ATAD1: variants seen among roughly 807,000 people sequenced by gnomAD.
The protein encoded by ATAD1 is ATPase family AAA domain containing 1.
Under a neutral mutation model 42.7 loss-of-function variants are expected in ATAD1, and 18 were observed. The observed-to-expected ratio is 0.42, with a 90% CI of 0.29 to 0.63. The LOEUF (loss-of-function observed/expected upper bound fraction) is 0.63, where lower values mean the gene tolerates loss of function less well. ATAD1 is among the 20% of genes least tolerant of loss of function. The probability of loss-of-function intolerance (pLI) is 0.19; values close to 1 mark genes in which losing one functional copy is unlikely to be tolerated. For missense variants in ATAD1, 294 were observed against 440.4 expected (o/e 0.67, Z 2.98); for synonymous variants, 132 against 143.1 (o/e 0.92, Z 0.55).
At chr10:87,754,908 A>C in intron 9 of ATAD1, 101 bp from the exon 10 acceptor site, 1 of 1,428,372 alleles carries the variant, frequency 7.0e-7, no homozygotes, top group Non-Finnish European at 9.3e-7. Context: ...GGTAAAAAAA[A>C]AATTTTGTTT....
chr10:87,830,366 A>G (rs1187803738), intron 1 of ATAD1, among the ~76,000 whole-genome samples: 2 of 152,182 alleles, frequency 1.3e-5, no homozygotes, highest in Admixed American at 6.5e-5. Context: ...TACAAGTTCC[A>G]TATTTTCTTG....
chr10:87,799,190 T>G (rs1050445926), intron 2 of ATAD1, among the ~76,000 whole-genome samples: 28 of 152,234 alleles, frequency 1.8e-4, no homozygotes, highest in Non-Finnish European at 3.8e-4. Context: ...TATTTTTGTT[T>G]GCATTTATTA....
At chr10:87,797,322 AAG>A in intron 2 of ATAD1, among the ~76,000 whole-genome samples, 1 of 134,790 alleles carries the variant, frequency 7.4e-6, no homozygotes, top group South Asian at 2.5e-4. Context: ...CAAAAGAGGA[AAG>A]AAAAAAAAAC....
intron 6 of ATAD1, among the ~76,000 whole-genome samples, chr10:87,773,180 TAAAAC>T (rs1048998924): frequency 6.6e-6 from 1 of 152,212 alleles, no homozygotes; most frequent in Non-Finnish European, 1.5e-5. Context: ...AAAAACTCTT[TAAAAC>T]AAAACATAAT....
rs185585632 is a variant in ATAD1 at position 87,804,903 on chromosome 10, C to T, written c.162+9535G>A. Among the ~76,000 whole-genome samples, 67 of 152,164 alleles carry T rather than the reference C, an allele frequency of 4.4e-4. No homozygotes were observed. The East Asian group carries it at 0.012, about 28-fold the overall frequency. On this transcript the variant is annotated intron_variant, in intron 2 of 9. Transcript: ENST00000680024. The stretch of plus-strand genomic sequence containing the variant: ...TCCCTGTACAACACCATGTTGAAAC[C>T]ATCTCCTCTCTCATTACCAATTAAA...
intron 1 of ATAD1, chr10:87,833,068 C>T (rs563698534): frequency 1.3e-5 from 2 of 152,372 alleles, no homozygotes; most frequent in South Asian, 2.1e-4. Context: ...TCTCCTCCCT[C>T]AGACTCCTGA....
chr10:87,839,409 A>G (rs1300764619), intron 1 of ATAD1, among the ~76,000 whole-genome samples: 7 of 152,372 alleles, frequency 4.6e-5, no homozygotes, highest in East Asian at 1.9e-4. Context: ...CTGTTAAACT[A>G]TAAGAAACGA....
At chr10:87,772,960 A>G (rs184757931) in intron 6 of ATAD1, among the ~76,000 whole-genome samples, 1 of 152,180 alleles carries the variant, frequency 6.6e-6, no homozygotes, top group Admixed American at 6.5e-5. Flanking sequence ...CTTTTAAAAA[A>G]ATCTTTATTT....
chr10:87,839,232 C>A (rs1857985751), intron 1 of ATAD1, among the ~76,000 whole-genome samples: 1 of 152,118 alleles, frequency 6.6e-6, no homozygotes, highest in African/African-American at 2.4e-5. Context: ...ATTGTTTGGT[C>A]TTCAGTCACC....
chr10:87,790,808 T>C (rs1414719628), intron 3 of ATAD1, among the ~76,000 whole-genome samples: 1 of 152,080 alleles, frequency 6.6e-6, no homozygotes, highest in Non-Finnish European at 1.5e-5. Context: ...ACCTATTTTA[T>C]ACAGGATGTT....
At chr10:87,772,103 G>A (rs1015227359) in intron 6 of ATAD1, among the ~76,000 whole-genome samples, 1 of 152,034 alleles carries the variant, frequency 6.6e-6, no homozygotes, top group Non-Finnish European at 1.5e-5. Context: ...ACACAAATTT[G>A]AAAAATGTTA....
intron 1 of ATAD1, among the ~76,000 whole-genome samples, chr10:87,839,102 A>G (rs1857983119): frequency 6.6e-6 from 1 of 152,234 alleles, no homozygotes; most frequent in Non-Finnish European, 1.5e-5. Flanking sequence ...ACAGAAATAG[A>G]AACAAATCCC....
chr10:87,801,003 C>G (rs1856666048), intron 2 of ATAD1, among the ~76,000 whole-genome samples: 1 of 152,146 alleles, frequency 6.6e-6, no homozygotes, highest in African/African-American at 2.4e-5. Flanking sequence ...GTCAGATTAA[C>G]AAGGTTTTGT....
At chr10:87,776,525 A>G (rs564879737) in intron 5 of ATAD1, 98 bp from the exon 6 acceptor site, 21 of 918,486 alleles carry the variant, frequency 2.3e-5, no homozygotes, top group East Asian at 1.1e-4. Context: ...CTGGGGTGCA[A>G]TGGCGCAATT....
At chr10:87,828,156 G>A (rs1310816994) in intron 1 of ATAD1, among the ~76,000 whole-genome samples, 1 of 151,790 alleles carries the variant, frequency 6.6e-6, no homozygotes, top group East Asian at 1.9e-4. Flanking sequence ...CAGAGATGGG[G>A]TCTCATTTTA....
chr10:87,792,105 TAGAA>T (rs1336136995), intron 3 of ATAD1, among the ~76,000 whole-genome samples: 1 of 152,236 alleles, frequency 6.6e-6, no homozygotes, highest in Non-Finnish European at 1.5e-5. Flanking sequence ...CTGTTGTCCT[TAGAA>T]AGGCATATTT....
chr10:87,798,251 C>G (rs752680789), intron 2 of ATAD1, among the ~76,000 whole-genome samples: 6 of 152,120 alleles, frequency 3.9e-5, no homozygotes, highest in Non-Finnish European at 8.8e-5. Context: ...CATAAAAACC[C>G]TAGGCCACAG....
intron 1 of ATAD1, among the ~76,000 whole-genome samples, chr10:87,825,332 T>C (rs1356755603): frequency 1.4e-5 from 2 of 145,980 alleles, no homozygotes; most frequent in East Asian, 2.0e-4. Flanking sequence ...TTTTTTGAGA[T>C]GGAGTCTTGC....
chr10:87,767,525 AG>A, intron 8 of ATAD1, 147 bp downstream of exon 8: 1 of 728,562 alleles, frequency 1.4e-6, no homozygotes, highest in Non-Finnish European at 2.4e-6. Context: ...AGTTCCTAAC[AG>A]GCCATAGACC....
Sources: gnomAD v4.1 joint callset for allele counts (sites outside exome capture counted in the v4.1 genomes callset) on GRCh38, gnomAD v4.1.1 for gene constraint, MANE v1.5 for transcripts, NCBI Gene and HGNC (gene_info 2026-07-23, HGNC 2026-07-21) for gene names.